WDR7: variants seen among roughly 807,000 people sequenced by gnomAD.
The protein encoded by WDR7 is WD repeat domain 7.
WDR7 carries 46 observed loss-of-function variants against 169.4 expected under a neutral mutation model. That is an observed-to-expected ratio of 0.27 (90% CI 0.21 to 0.35). The LOEUF is 0.35. WDR7 is among the 10% of genes least tolerant of loss of function. The probability of loss-of-function intolerance (pLI) is 1.00; values close to 1 mark genes in which losing one functional copy is unlikely to be tolerated. For missense variants in WDR7, 1,534 were observed against 1,859.3 expected, an observed-to-expected ratio of 0.83 and a Z score of 3.22; for synonymous variants, 612 against 666.8, an observed-to-expected ratio of 0.92 and a Z score of 1.27.
intron 26 of WDR7, among the ~76,000 whole-genome samples, chr18:57,017,412 CTGTGTGTGTGTGTGTGTG>C (rs10571337): frequency 4.2e-5 from 6 of 143,660 alleles, no homozygotes; most frequent in African/African-American, 5.3e-5. Context: ...CAGCATCATG[CTGTGTGTGTGTGTGTGTG>C]TGTGTGTGTG....
chr18:56,959,684 G>A (rs1454897134), intron 25 of WDR7, among the ~76,000 whole-genome samples: 1 of 152,134 alleles, frequency 6.6e-6, no homozygotes, highest in Non-Finnish European at 1.5e-5. Context: ...TCATCCCGTA[G>A]GAAAAATCGG....
chr18:56,707,580 G>C (rs1262827087), intron 12 of WDR7, among the ~76,000 whole-genome samples: 2 of 152,084 alleles, frequency 1.3e-5, no homozygotes, highest in Non-Finnish European at 2.9e-5. Context: ...GTTTTCAACT[G>C]TCTGAGAAGC....
chr18:56,690,283 A>G (rs992248741), intron 7 of WDR7, among the ~76,000 whole-genome samples: 6 of 152,198 alleles, frequency 3.9e-5, no homozygotes, highest in African/African-American at 1.4e-4. Context: ...CATATGAGAT[A>G]ATAATTGTAA....
chr18:56,744,095 T>C (rs62101712), intron 14 of WDR7, among the ~76,000 whole-genome samples: 1,867 of 151,680 alleles, frequency 0.012, 19 homozygotes, highest in Non-Finnish European at 0.021. Context: ...AAAAGTTAGC[T>C]GGGCGTAGTG....
At chr18:56,966,910 C>T (rs1199473846) in intron 26 of WDR7, among the ~76,000 whole-genome samples, 2 of 152,110 alleles carry the variant, frequency 1.3e-5, no homozygotes, top group East Asian at 3.8e-4. Flanking sequence ...CCTAGTCAAG[C>T]AGGGAACTCA....
intron 18 of WDR7, among the ~76,000 whole-genome samples, chr18:56,780,029 T>C (rs2145065561): frequency 6.6e-6 from 1 of 152,306 alleles, no homozygotes; most frequent in African/African-American, 2.4e-5. Flanking sequence ...TTTGTGACCC[T>C]GGGCAATTTA....
chr18:56,809,937 A>G (rs1011012835), intron 19 of WDR7, among the ~76,000 whole-genome samples: 1 of 151,956 alleles, frequency 6.6e-6, no homozygotes, highest in Non-Finnish European at 1.5e-5. Context: ...TTTATAGTCA[A>G]TCCTTTTGTC....
intron 23 of WDR7, among the ~76,000 whole-genome samples, chr18:56,937,142 T>G (rs1445444343): frequency 6.6e-6 from 1 of 152,180 alleles, no homozygotes; most frequent in Non-Finnish European, 1.5e-5. Context: ...AAAAATGAAC[T>G]GTTAGAATAC....
chr18:56,783,208 G>A (rs764986034), intron 19 of WDR7, among the ~76,000 whole-genome samples: 34 of 149,842 alleles, frequency 2.3e-4, no homozygotes, highest in Non-Finnish European at 4.3e-4. Flanking sequence ...TAAGTTATTA[G>A]GCTTAAGATT....
chr18:56,993,710 C>A (rs573660432), intron 26 of WDR7, among the ~76,000 whole-genome samples: 1 of 151,944 alleles, frequency 6.6e-6, no homozygotes, highest in African/African-American at 2.4e-5. Context: ...TGGTGGGATG[C>A]GGGAGGGAGA....
intron 25 of WDR7, among the ~76,000 whole-genome samples, chr18:56,960,895 T>C (rs1008552036): frequency 6.6e-6 from 1 of 151,722 alleles, no homozygotes; most frequent in Non-Finnish European, 1.5e-5. Flanking sequence ...CTCAAACCAA[T>C]GTACAAAGAG....
intron 19 of WDR7, among the ~76,000 whole-genome samples, chr18:56,804,672 G>C (rs554878263): frequency 6.6e-6 from 1 of 152,140 alleles, no homozygotes; most frequent in Non-Finnish European, 1.5e-5. Flanking sequence ...TTATAACAGT[G>C]GTCCGCTGAG....
chr18:56,824,045 T>C (rs17062347), intron 20 of WDR7, among the ~76,000 whole-genome samples: 1,864 of 152,268 alleles, frequency 0.012, 34 homozygotes, highest in African/African-American at 0.04. Context: ...AATACCTTGG[T>C]GAGATATCTA....
chr18:57,014,605 C>T (rs1332352387), intron 26 of WDR7, among the ~76,000 whole-genome samples: 18 of 151,686 alleles, frequency 1.2e-4, no homozygotes, highest in Admixed American at 5.9e-4. Flanking sequence ...TGCAGTGAGC[C>T]GAGATCGCGC....
At chr18:56,722,101 G>C (rs1485212829) in intron 13 of WDR7, among the ~76,000 whole-genome samples, 1 of 151,990 alleles carries the variant, frequency 6.6e-6, no homozygotes, top group Non-Finnish European at 1.5e-5. Context: ...AATCTAGCAG[G>C]GAATTATGAA....
intron 26 of WDR7, among the ~76,000 whole-genome samples, chr18:56,994,169 G>A (rs1194473035): frequency 1.3e-5 from 2 of 151,824 alleles, no homozygotes; most frequent in African/African-American, 2.4e-5. Context: ...ACAGGCATAC[G>A]CCACCACGCC....
chr18:56,696,491 C>T (rs1291427301), intron 12 of WDR7, 29 bp downstream of exon 12: 1 of 1,564,172 alleles, frequency 6.4e-7, no homozygotes, highest in Non-Finnish European at 8.7e-7. Flanking sequence ...AAGATTATTT[C>T]ACTATGGTAG....
At chr18:56,718,964 C>A (rs1568156155) in intron 13 of WDR7, among the ~76,000 whole-genome samples, 1 of 152,102 alleles carries the variant, frequency 6.6e-6, no homozygotes, top group East Asian at 1.9e-4. Flanking sequence ...TTCTCTTAAG[C>A]CTTTTGGGAA....
chr18:56,664,374 A>G (rs918856568), intron 1 of WDR7, among the ~76,000 whole-genome samples: 6 of 152,216 alleles, frequency 3.9e-5, no homozygotes, highest in Admixed American at 3.9e-4. Context: ...TGTTAGGGTT[A>G]CAAGTAGAGG....
Sources: allele counts gnomAD v4.1 joint callset (sites outside exome capture counted in the v4.1 genomes callset), GRCh38; gene constraint gnomAD v4.1.1; transcripts MANE v1.5; gene names NCBI Gene and HGNC (gene_info 2026-07-23, HGNC 2026-07-21).